NRXN1: variants seen among roughly 807,000 people sequenced by gnomAD.
NRXN1 encodes the protein neurexin 1, also known as neurexin-1.
A neutral mutation model predicts 150.9 loss-of-function variants in NRXN1; 39 were observed. The observed-to-expected ratio is 0.26, with a 90% CI of 0.20 to 0.34. The LOEUF is 0.34. NRXN1 is among the 10% of genes least tolerant of loss of function. The probability of loss-of-function intolerance (pLI) is 1.00; values close to 1 mark genes in which losing one functional copy is unlikely to be tolerated. For missense variants in NRXN1, 1,815 were observed against 1,949.9 expected, an observed-to-expected ratio of 0.93 and a Z score of 1.30; for synonymous variants, 924 against 757.0, an observed-to-expected ratio of 1.22 and a Z score of -3.62.
chr2:50,278,947 TA>T (rs1382991929), intron 17 of NRXN1, among the ~76,000 whole-genome samples: 19 of 152,158 alleles, frequency 1.2e-4, no homozygotes, highest in African/African-American at 4.3e-4. Flanking sequence ...ATTCCTAAAA[TA>T]AAAATGACAT....
intron 5 of NRXN1, among the ~76,000 whole-genome samples, chr2:50,712,936 A>C (rs1695369631): frequency 6.6e-6 from 1 of 152,194 alleles, no homozygotes; most frequent in Non-Finnish European, 1.5e-5. Flanking sequence ...TATCTGATGG[A>C]AATGATATCA....
chr2:49,991,030 C>A (rs1391679215), intron 21 of NRXN1, among the ~76,000 whole-genome samples: 4 of 151,984 alleles, frequency 2.6e-5, no homozygotes, highest in Non-Finnish European at 4.4e-5. Context: ...ATTTACTAAA[C>A]ATGCTTAAAA....
intron 17 of NRXN1, among the ~76,000 whole-genome samples, chr2:50,417,676 G>A (rs1025224972): frequency 6.6e-6 from 1 of 151,890 alleles, no homozygotes; most frequent in Non-Finnish European, 1.5e-5. Context: ...CACATAGGAA[G>A]GGGACATAAC....
chr2:50,057,838 C>T (rs1479606404), intron 19 of NRXN1, among the ~76,000 whole-genome samples: 2 of 152,102 alleles, frequency 1.3e-5, no homozygotes, highest in Admixed American at 1.3e-4. Context: ...ACACCATAAA[C>T]CTCACTTATA....
At chr2:50,450,811 A>G (rs1376716823) in intron 17 of NRXN1, among the ~76,000 whole-genome samples, 1 of 152,210 alleles carries the variant, frequency 6.6e-6, no homozygotes, top group African/African-American at 2.4e-5. Flanking sequence ...ATTTAATCAT[A>G]GCAGCTTTTA....
At chr2:49,968,448 T>C (rs774196041) in intron 21 of NRXN1, among the ~76,000 whole-genome samples, 9 of 152,082 alleles carry the variant, frequency 5.9e-5, no homozygotes, top group Non-Finnish European at 1.2e-4. Context: ...AATCAGTATG[T>C]TGTCCTGAGA....
intron 5 of NRXN1, among the ~76,000 whole-genome samples, chr2:50,633,779 C>A (rs1459969619): frequency 6.6e-6 from 1 of 152,064 alleles, no homozygotes; most frequent in East Asian, 1.9e-4. Context: ...ATAAGGCTCT[C>A]AGGGTCTCCA....
intron 8 of NRXN1, among the ~76,000 whole-genome samples, chr2:50,610,322 C>A (rs942225540): frequency 2.0e-5 from 3 of 151,672 alleles, no homozygotes; most frequent in African/African-American, 7.3e-5. Context: ...CTTTCCTATT[C>A]TTTTCCAATT....
intron 17 of NRXN1, among the ~76,000 whole-genome samples, chr2:50,237,614 C>T (rs2065582021): frequency 6.6e-6 from 1 of 151,606 alleles, no homozygotes; most frequent in South Asian, 2.1e-4. Flanking sequence ...TAAAAAGACC[C>T]ACATCCTCTG....
intron 5 of NRXN1, among the ~76,000 whole-genome samples, chr2:50,798,981 C>A (rs987513654): frequency 6.6e-6 from 1 of 152,072 alleles, no homozygotes; most frequent in Non-Finnish European, 1.5e-5. Context: ...TAGGTTGGTG[C>A]AAAAGTAATT....
At chr2:50,051,013 A>G (rs894140269) in intron 21 of NRXN1, among the ~76,000 whole-genome samples, 3 of 152,000 alleles carry the variant, frequency 2.0e-5, no homozygotes, top group Non-Finnish European at 4.4e-5. Context: ...ATTTAAGTCA[A>G]TATCTCCTCA....
At chr2:50,155,989 T>A (rs2688891) in intron 18 of NRXN1, among the ~76,000 whole-genome samples, 48,954 of 151,538 alleles carry the variant, frequency 0.32, 8,395 homozygotes, top group Non-Finnish European at 0.38. Context: ...AAATCTAAGT[T>A]AATTCACATG....
chr2:50,507,455 G>C (rs1286627339), intron 12 of NRXN1, among the ~76,000 whole-genome samples: 1 of 152,012 alleles, frequency 6.6e-6, no homozygotes, highest in Non-Finnish European at 1.5e-5. Flanking sequence ...CAACAGTAGA[G>C]AGCAAGGGAT....
chr2:50,632,679 C>G (rs1426832218), intron 5 of NRXN1: 1 of 151,950 alleles, frequency 6.6e-6, no homozygotes, highest in Non-Finnish European at 1.5e-5. Flanking sequence ...ATTATAAAGA[C>G]AATTTTGTGT....
chr2:50,750,562 G>A (rs2105327084), intron 5 of NRXN1, among the ~76,000 whole-genome samples: 1 of 152,060 alleles, frequency 6.6e-6, no homozygotes, highest in South Asian at 2.1e-4. Context: ...TGCATGTTGT[G>A]CGCATGTACC....
chr2:50,627,374 TG>T (rs1681315755), intron 5 of NRXN1, among the ~76,000 whole-genome samples: 1 of 151,110 alleles, frequency 6.6e-6, no homozygotes, highest in African/African-American at 2.4e-5. Context: ...TGTGTGTGTG[TG>T]TGTGTGTGTG....
intron 18 of NRXN1, among the ~76,000 whole-genome samples, chr2:50,149,716 A>G (rs970279105): frequency 6.6e-6 from 1 of 151,722 alleles, no homozygotes; most frequent in African/African-American, 2.4e-5. Context: ...ACATAGATTT[A>G]TCTCAGTGCC....
In NRXN1 at chr2:51,027,585, T is replaced by C. The variant is rs1670730431; in HGVS notation, c.689A>G (p.Asn230Ser). 2 of 1,607,894 alleles carry C rather than the reference T, an allele frequency of 1.2e-6. No individual in the cohort carries two copies. Among genetic ancestry groups the C allele is most frequent in the Non-Finnish European group, 8.5e-7 (1 of 1,176,752 alleles). The change falls in exon 2 of 23, where the codon AAC becomes AGC. Residue 230 changes from asparagine (N) to serine (S), a missense_variant. By Grantham distance (46) the Asn-to-Ser change is conservative. Transcript: ENST00000401669. Reference protein sequence around the residue: ...GEEGEGGVCLNGGVCSVVDDQ... With the variant: ...GEEGEGGVCLSGGVCSVVDDQ... ...GTCCACCACGGAGCACACACCTCCG[T>C]TGAGGCACACCCCGCCCTCGCCCTC...
intron 5 of NRXN1, among the ~76,000 whole-genome samples, chr2:50,830,904 A>G (rs1411156956): frequency 1.3e-5 from 2 of 152,050 alleles, no homozygotes; most frequent in Non-Finnish European, 2.9e-5. Flanking sequence ...GACATGCACT[A>G]AAGTGTTCGT....
Sources: allele counts gnomAD v4.1 joint callset (sites outside exome capture counted in the v4.1 genomes callset), GRCh38; gene constraint gnomAD v4.1.1; transcripts MANE v1.5; gene names NCBI Gene and HGNC (gene_info 2026-07-23, HGNC 2026-07-21).